The following PLEK2 variants were observed in gnomAD, a reference collection of about 807,000 sequenced individuals.
PLEK2 encodes pleckstrin-2.
In PLEK2, 29 loss-of-function variants were observed where a neutral mutation model predicts 43.8. That is an observed-to-expected ratio of 0.66 (90% CI 0.49 to 0.90). The LOEUF is 0.90. PLEK2 is among the 40% of genes least tolerant of loss of function. PLEK2 has a pLI of 0.00. For missense variants in PLEK2, 398 were observed against 448.1 expected, an observed-to-expected ratio of 0.89 and a Z score of 1.01; for synonymous variants, 162 against 173.2, an observed-to-expected ratio of 0.94 and a Z score of 0.51.
At chr14:67,393,594 C>T (rs944366458) in intron 3 of PLEK2, among the ~76,000 whole-genome samples, 5 of 152,098 alleles carry the variant, frequency 3.3e-5, no homozygotes, top group Admixed American at 6.5e-5. Flanking sequence ...GCTGGGATTA[C>T]AGACATTTGC....
At chr14:67,399,122 G>A (rs1174093137) in intron 1 of PLEK2, among the ~76,000 whole-genome samples, 1 of 152,238 alleles carries the variant, frequency 6.6e-6, no homozygotes, top group Non-Finnish European at 1.5e-5. Context: ...GCCACTTACA[G>A]TCTCCCAGTG....
chr14:67,390,795 C>T, intron 6 of PLEK2, 49 bp from the exon 7 acceptor site: 1 of 1,261,384 alleles, frequency 7.9e-7, no homozygotes, highest in Non-Finnish European at 1.2e-6. Context: ...CTGCATGTCC[C>T]TCTCTCCTGT....
At chr14:67,395,173 G>A (rs1325670099) in intron 3 of PLEK2, among the ~76,000 whole-genome samples, 3 of 152,272 alleles carry the variant, frequency 2.0e-5, no homozygotes, top group South Asian at 4.1e-4. Flanking sequence ...GTGTGCAGAG[G>A]TGGCAAGAGC....
chr14:67,391,230 GATCA>G (rs1189155150), intron 6 of PLEK2, among the ~76,000 whole-genome samples: 2 of 151,546 alleles, frequency 1.3e-5, no homozygotes, highest in Non-Finnish European at 2.9e-5. Flanking sequence ...AGCAAGAAAC[GATCA>G]ATTATATGAT....
In PLEK2 at chr14:67,388,157, G is replaced by A. The variant is rs573890898; in HGVS notation, c.934+67C>T. 114 of 966,342 alleles carry A rather than the reference G, an allele frequency of 1.2e-4. No homozygotes were observed. The African/African-American group carries it at 1.2e-3, about 10-fold the overall frequency. The allele number at this position is 966,342 out of a possible 1,614,324, so 59.9% of individuals were successfully genotyped here. A position where few individuals can be genotyped will look rare whatever the true frequency, so the allele number is the denominator to read the frequency against. On this transcript the variant is annotated intron_variant, in intron 8 of 8. Coordinates refer to ENST00000216446, the MANE Select transcript of PLEK2 (RefSeq NM_016445.3). ...TCCCAAAGCTGTCATTTCATTAGTGGGACATTACTGAGGTGCAGGAGGGAG... is the reference window on the plus strand; with the variant it reads ...TCCCAAAGCTGTCATTTCATTAGTGAGACATTACTGAGGTGCAGGAGGGAG...
chr14:67,394,562 C>A (rs989157542), intron 3 of PLEK2, among the ~76,000 whole-genome samples: 4 of 152,026 alleles, frequency 2.6e-5, no homozygotes, highest in Non-Finnish European at 5.9e-5. Context: ...CCACCTAGAC[C>A]CATAGGAGGT....
chr14:67,397,546 A>G, intron 2 of PLEK2, 116 bp downstream of exon 2: 4 of 854,778 alleles, frequency 4.7e-6, no homozygotes, highest in Non-Finnish European at 7.0e-6. Context: ...TTTGAATCCA[A>G]GTTTTTCAAT....
At chr14:67,404,016 A>G (rs906306044) in intron 1 of PLEK2, among the ~76,000 whole-genome samples, 1 of 152,322 alleles carries the variant, frequency 6.6e-6, no homozygotes, top group South Asian at 2.1e-4. Flanking sequence ...TTGCGCTACC[A>G]CACTCTAGCC....
chr14:67,394,039 G>T (rs1039255358), intron 3 of PLEK2, among the ~76,000 whole-genome samples: 6 of 152,118 alleles, frequency 3.9e-5, no homozygotes, highest in Admixed American at 3.9e-4. Flanking sequence ...TCTTTCTCCT[G>T]CCTCTCAGCT....
At position 67,387,252 on chromosome 14, in the gene PLEK2, T is replaced by C. The variant is rs1265249781; in HGVS notation, c.*77A>G. 2.1e-6 allele frequency: 3 copies of C among 1,437,848 alleles called. No homozygotes were observed. The highest frequency in any genetic ancestry group is 1.4e-5 in the African/African-American group (1 of 69,050). 89.1% of individuals were successfully genotyped at this position (1,437,848 alleles called of 1,614,324 possible). On this transcript the variant is annotated 3_prime_UTR_variant, in exon 9 of 9. Coordinates refer to ENST00000216446, the MANE Select transcript of PLEK2 (RefSeq NM_016445.3). ...AAACTTACAAAGAAGTCAAAAGTCT[T>C]AACACTCCCATTCTCCAGGAACTCT...
At chr14:67,394,401 A>G (rs2085991426) in intron 3 of PLEK2, among the ~76,000 whole-genome samples, 2 of 151,990 alleles carry the variant, frequency 1.3e-5, no homozygotes, top group Admixed American at 1.3e-4. Context: ...GTCCCCAAAA[A>G]AGAAAAACAA....
intron 1 of PLEK2, among the ~76,000 whole-genome samples, chr14:67,406,406 G>T (rs1216735189): frequency 6.6e-6 from 1 of 152,184 alleles, no homozygotes. Flanking sequence ...CTGGGGCTCA[G>T]TCTTCCTGGT....
intron 3 of PLEK2, among the ~76,000 whole-genome samples, chr14:67,394,068 GT>G (rs1019757799): frequency 6.6e-6 from 1 of 152,158 alleles, no homozygotes; most frequent in African/African-American, 2.4e-5. Context: ...AGGTAGGTTT[GT>G]TTATACCTCC....
intron 1 of PLEK2, among the ~76,000 whole-genome samples, chr14:67,400,993 A>AAATAAT (rs142279546): frequency 2.1e-4 from 32 of 150,674 alleles, no homozygotes; most frequent in South Asian, 6.3e-4. Flanking sequence ...CTGCCTCTTA[A>AAATAAT]AATAATAATA....
At chr14:67,402,349 C>T (rs1201616166) in intron 1 of PLEK2, among the ~76,000 whole-genome samples, 2 of 152,100 alleles carry the variant, frequency 1.3e-5, no homozygotes, top group Non-Finnish European at 2.9e-5. Flanking sequence ...TTGATACAGG[C>T]ATACATTGCA....
Position 67,412,049 on chromosome 14 carries a change from C to A in PLEK2, c.11G>T (p.Gly4Val). Residue 4 changes from glycine to valine, a missense_variant, in exon 1 of 9, where the codon GGC becomes GTC. Coordinates refer to ENST00000216446, the MANE Select transcript of PLEK2 (RefSeq NM_016445.3). Reference sequence around the variant, plus strand: ...GACCAGGAAGCCCTCCTTGAGCACGCCGTCCTCCATGTCGCCGCCCGCACG... The same window carrying A: ...GACCAGGAAGCCCTCCTTGAGCACGACGTCCTCCATGTCGCCGCCCGCACG... MED[G>V]VLKEGFLVKR... 1.3e-6 allele frequency: 2 copies of A among 1,553,930 alleles called. No homozygotes were observed. The highest frequency in any genetic ancestry group is 1.9e-5 in the Admixed American group (1 of 53,364).
chr14:67,395,484 T>C lies in PLEK2; in HGVS notation c.307A>G (p.Ile103Val), dbSNP rs2086000731. ...DAWAFEITGA[I>V]HAGQPGKVQQ... ...ACCTTCCCCGGCTGCCCTGCATGAATAGCCCCGGTGATCTCAAAGGCCCAG... is the reference window on the plus strand; with the variant it reads ...ACCTTCCCCGGCTGCCCTGCATGAACAGCCCCGGTGATCTCAAAGGCCCAG... The change falls in exon 3 of 9, where the codon ATT (isoleucine) becomes GTT (valine). Residue 103 changes from isoleucine to valine, a missense_variant. Coordinates refer to ENST00000216446, the MANE Select transcript of PLEK2 (RefSeq NM_016445.3). The C allele has an allele frequency of 6.2e-7, 1 of 1,614,022 alleles. No homozygotes were observed. The highest frequency in any genetic ancestry group is 8.5e-7 in the Non-Finnish European group (1 of 1,179,930).
Position 67,397,719 on chromosome 14 carries a change from C to T in PLEK2, c.150G>A (p.Arg50=), listed in dbSNP as rs566761421. 1 of 1,613,554 alleles carries T rather than the reference C, an allele frequency of 6.2e-7. No homozygotes were observed. Among genetic ancestry groups the T allele is most frequent in the Non-Finnish European group, 8.5e-7 (1 of 1,179,784 alleles). ...GGRRVTPPKG[R]ILLDGCTITC... ...TGATGGTGCAGCCATCCAGGAGGAT[C>T]CGGCCCTTGGGAGGGGTCACTCTCC... is the stretch of plus-strand genomic sequence containing the variant. The change falls in exon 2 of 9, where the codon CGG becomes CGA. Residue 50 remains arginine (R), a synonymous_variant. Coordinates refer to ENST00000216446, the MANE Select transcript of PLEK2 (RefSeq NM_016445.3).
intron 1 of PLEK2, among the ~76,000 whole-genome samples, chr14:67,402,453 T>A (rs1969895): frequency 0.081 from 12,273 of 152,210 alleles, 806 homozygotes; most frequent in African/African-American, 0.17. Flanking sequence ...TGGTTATTTT[T>A]AAACGTACAA....
Sources: allele counts gnomAD v4.1 joint callset (sites outside exome capture counted in the v4.1 genomes callset), GRCh38; gene constraint gnomAD v4.1.1; transcripts MANE v1.5; gene names NCBI Gene and HGNC (gene_info 2026-07-23, HGNC 2026-07-21).